BROX: variants seen among roughly 807,000 people sequenced by gnomAD.
BROX encodes BRO1 domain-containing protein BROX.
Under a neutral mutation model 61.0 loss-of-function variants are expected in BROX, and 53 were observed. That is an observed-to-expected ratio of 0.87 (90% confidence interval 0.70 to 1.09). BROX has a LOEUF of 1.09. Among genes scored for constraint, BROX ranks in the 50% least tolerant of loss-of-function variants. BROX has a pLI of 0.00. For missense variants in BROX, 489 were observed against 472.0 expected, an observed-to-expected ratio of 1.04 and a Z score of -0.33; for synonymous variants, 152 against 160.2, an observed-to-expected ratio of 0.95 and a Z score of 0.38.
In BROX at chr1:222,732,735, T is replaced by C. The variant is rs373931794; in HGVS notation, c.*21T>C. The C allele has an allele frequency of 6.4e-6, 10 of 1,562,120 alleles. No homozygotes were observed. In the East Asian group the frequency reaches 2.3e-4, roughly 35 times the overall value. Reference sequence around the variant, plus strand: ...CCTAAAATACAACTTGCACTTAGAATTTCTCTAGCAGTAAATAAGATAAAC... The same window carrying C: ...CCTAAAATACAACTTGCACTTAGAACTTCTCTAGCAGTAAATAAGATAAAC... On this transcript the variant is annotated 3_prime_UTR_variant, in exon 13 of 13. Transcript: ENST00000340934.
rs796814438 is a variant in BROX at position 222,733,063 on chromosome 1, C to CTTTTTTTT, written c.*354_*361dup. The CTTTTTTTT allele has an allele frequency of 3.8e-5, 4 of 104,880 alleles. No homozygotes were observed. The highest frequency in any genetic ancestry group is 1.0e-4 in the Admixed American group (1 of 9,764). 6.5% of individuals were successfully genotyped at this position (104,880 alleles called of 1,614,324 possible). A position where few individuals can be genotyped will look rare whatever the true frequency, so the allele number is the denominator to read the frequency against. ...AGGTATGTTTTTCTTTTTTCTTTTT[C>CTTTTTTTT]TTTTTTTTTTTTCTTTTTTTTTTTT... On this transcript the variant is annotated 3_prime_UTR_variant, in exon 13 of 13. Coordinates refer to ENST00000340934, the MANE Select transcript of BROX (RefSeq NM_144695.4).
chr1:222,712,585 G>A lies in BROX; in HGVS notation c.-374G>A. ...CCCCACTGCGCCGAGGGCCGCCATC[G>A]CTATTGCGGCATTCTCCCTCGGCTC... On this transcript the variant is annotated 5_prime_UTR_variant, in exon 1 of 13. Transcript: ENST00000340934. 15 of 1,362,458 alleles carry A rather than the reference G, an allele frequency of 1.1e-5. No homozygotes were observed. In the South Asian group the frequency reaches 2.1e-4, roughly 19 times the overall value. The allele number at this position is 1,362,458 out of a possible 1,614,324, so 84.4% of individuals were successfully genotyped here. A position where few individuals can be genotyped will look rare whatever the true frequency, so the allele number is the denominator to read the frequency against.
At chr1:222,727,787 C>T (rs926142351) in intron 8 of BROX, among the ~76,000 whole-genome samples, 1 of 152,130 alleles carries the variant, frequency 6.6e-6, no homozygotes, top group Non-Finnish European at 1.5e-5. Context: ...TGAAGTAAGA[C>T]ATCACAGCGG....
chr1:222,728,958 G>T, intron 9 of BROX, 130 bp downstream of exon 9: 1 of 577,618 alleles, frequency 1.7e-6, no homozygotes, highest in Non-Finnish European at 2.9e-6. Flanking sequence ...CTCAGTAAAT[G>T]TTCACTGAGA....
At chr1:222,713,293 G>A (rs1039096986) in intron 1 of BROX, 24 of 986,030 alleles carry the variant, frequency 2.4e-5, no homozygotes, top group Non-Finnish European at 2.8e-5. Flanking sequence ...TGGAAAGAGG[G>A]GAACTCAAGT....
At chr1:222,729,560 A>G (rs758109962) in intron 9 of BROX, 60 bp from the exon 10 acceptor site, 121 of 1,333,092 alleles carry the variant, frequency 9.1e-5, no homozygotes, top group Non-Finnish European at 1.3e-4. Flanking sequence ...GATACATAAA[A>G]CAATAGGGGA....
Position 222,730,217 on chromosome 1 carries a change from T to C in BROX, c.989+40T>C, listed in dbSNP as rs1373545691. Reference sequence around the variant, plus strand: ...ATATTACTTTAGTAATAATATTATGTTGATTTATGATTATATTAAAATATT... The same window carrying C: ...ATATTACTTTAGTAATAATATTATGCTGATTTATGATTATATTAAAATATT... On this transcript the variant is annotated intron_variant, in intron 11 of 12. Coordinates refer to ENST00000340934, the MANE Select transcript of BROX (RefSeq NM_144695.4). 5 of 1,275,426 alleles carry C rather than the reference T, an allele frequency of 3.9e-6. 1 individual carries two copies. In the Admixed American group the frequency reaches 1.4e-4, roughly 35 times the overall value. 79.0% of individuals were successfully genotyped at this position (1,275,426 alleles called of 1,614,324 possible). A position where few individuals can be genotyped will look rare whatever the true frequency, so the allele number is the denominator to read the frequency against.
intron 6 of BROX, among the ~76,000 whole-genome samples, chr1:222,724,767 C>G (rs2125024074): frequency 6.6e-6 from 1 of 152,132 alleles, no homozygotes; most frequent in Middle Eastern, 3.4e-3. Flanking sequence ...TTAGAAAGCT[C>G]TGATCCTGAA....
chr1:222,723,911 G>A (rs1156662983), intron 5 of BROX, among the ~76,000 whole-genome samples, 181 bp from the exon 6 acceptor site: 1 of 152,018 alleles, frequency 6.6e-6, no homozygotes, highest in Non-Finnish European at 1.5e-5. Flanking sequence ...TGCCCGTCTC[G>A]GCCTCCCAAA....
intron 4 of BROX, among the ~76,000 whole-genome samples, chr1:222,720,073 C>A (rs546546812): frequency 6.1e-4 from 93 of 152,240 alleles, no homozygotes; most frequent in Non-Finnish European, 1.0e-3. Context: ...CTGTACATTA[C>A]AACGAAAAGA....
chr1:222,716,643 T>C (rs2124998599), intron 2 of BROX, among the ~76,000 whole-genome samples: 1 of 152,322 alleles, frequency 6.6e-6, no homozygotes. Context: ...ATTGACATAC[T>C]GTGTATGGCT....
In BROX at chr1:222,715,694, G is replaced by A; in HGVS notation, c.-6G>A. 2 of 1,462,316 alleles carry A rather than the reference G, an allele frequency of 1.4e-6. No individual in the cohort carries two copies. The highest frequency in any genetic ancestry group is 2.5e-5 in the East Asian group (1 of 40,188). The allele number at this position is 1,462,316 out of a possible 1,614,324, so 90.6% of individuals were successfully genotyped here. A position where few individuals can be genotyped will look rare whatever the true frequency, so the allele number is the denominator to read the frequency against. On this transcript the variant is annotated 5_prime_UTR_variant, in exon 2 of 13. Transcript: ENST00000340934. ...CTTTTTTGTCTATAGAAAACATCTG[G>A]AGAAAATGACCCATTGGTTTCATAG...
chr1:222,724,760 G>A (rs1657376049), intron 6 of BROX, among the ~76,000 whole-genome samples: 1 of 152,048 alleles, frequency 6.6e-6, no homozygotes, highest in African/African-American at 2.4e-5. Flanking sequence ...ATAGTGATTA[G>A]AAAGCTCTGA....
In BROX at chr1:222,729,308, A is replaced by G. The variant is rs571581570; in HGVS notation, c.757-312A>G. The stretch of plus-strand genomic sequence containing the variant: ...AAACCTTTTTCAGGTCTGAGTAGAT[A>G]ATATTTCTTATACCTCCTTCTTCCT... On this transcript the variant is annotated intron_variant, in intron 9 of 12. Coordinates refer to ENST00000340934, the MANE Select transcript of BROX (RefSeq NM_144695.4). Among the ~76,000 whole-genome samples the G allele has an allele frequency of 1.5e-4, 23 of 152,320 alleles. No individual in the cohort carries two copies. In the South Asian group the frequency reaches 4.8e-3, roughly 32 times the overall value.
At chr1:222,728,222 A>T (rs140795990) in intron 8 of BROX, among the ~76,000 whole-genome samples, 1 of 152,210 alleles carries the variant, frequency 6.6e-6, no homozygotes, top group African/African-American at 2.4e-5. Flanking sequence ...CTTAAAGTTT[A>T]TGAAGGAAAT....
At chr1:222,731,036 TTCA>T (rs928504310) in intron 11 of BROX, among the ~76,000 whole-genome samples, 49 of 152,324 alleles carry the variant, frequency 3.2e-4, no homozygotes, top group African/African-American at 1.2e-3. Context: ...CCTTATATTC[TTCA>T]TCTAGTCATA....
chr1:222,730,255 AT>A, intron 11 of BROX, 78 bp downstream of exon 11: 1 of 1,034,454 alleles, frequency 9.7e-7, no homozygotes, highest in Non-Finnish European at 1.3e-6. Context: ...TATTTTAGTA[AT>A]ATCATTTCTG....
chr1:222,713,038 C>T, intron 1 of BROX, 96 bp downstream of exon 1: 1 of 1,156,854 alleles, frequency 8.6e-7, no homozygotes, highest in Admixed American at 3.8e-5. Context: ...CATTAGTCTC[C>T]ATAGACCCCT....
chr1:222,715,566 C>T, intron 1 of BROX, 118 bp from the exon 2 acceptor site: 1 of 439,554 alleles, frequency 2.3e-6, no homozygotes, highest in Non-Finnish European at 3.8e-6. Flanking sequence ...CAAAATTTAG[C>T]CAGGCTAATT....
Sources: gnomAD v4.1 joint callset for allele counts (sites outside exome capture counted in the v4.1 genomes callset) on GRCh38, gnomAD v4.1.1 for gene constraint, MANE v1.5 for transcripts, NCBI Gene and HGNC (gene_info 2026-07-23, HGNC 2026-07-21) for gene names.